The following ABCC12 variants were observed in gnomAD, a reference collection of about 807,000 sequenced individuals.
The protein encoded by ABCC12 is ATP binding cassette subfamily C member 12, also known as ATP-binding cassette sub-family C member 12.
In ABCC12, 142 loss-of-function variants were observed where a neutral mutation model predicts 151.1. That is an observed-to-expected ratio of 0.94 (90% confidence interval 0.82 to 1.08). ABCC12 has a LOEUF of 1.08. ABCC12 is among the 50% of genes least tolerant of loss of function. ABCC12 has a pLI of 0.00. For missense variants in ABCC12, 1,638 were observed against 1,691.1 expected, an observed-to-expected ratio of 0.97 and a Z score of 0.55; for synonymous variants, 645 against 646.4, an observed-to-expected ratio of 1.00 and a Z score of 0.03.
intron 3 of ABCC12, among the ~76,000 whole-genome samples, chr16:48,145,217 T>A (rs912363144): frequency 2.6e-5 from 4 of 152,206 alleles, no homozygotes; most frequent in Admixed American, 2.0e-4. Flanking sequence ...CAGACAGAGA[T>A]GCTGGGAGAA....
In ABCC12 at chr16:48,139,305, G is replaced by C; in HGVS notation, c.689C>G (p.Ser230Cys). Residue 230 changes from serine to cysteine, a missense_variant, in exon 7 of 31, where the codon TCT becomes TGT. By Grantham distance (112) the Ser-to-Cys change is moderately radical (BLOSUM62 -1). Transcript: ENST00000311303. ...VLNILSSDSY[S>C]LFEAALFCPL... The stretch of plus-strand genomic sequence containing the variant: ...ACAAAACAAGGCAGCTTCAAACAAA[G>C]AATAGCTATCACTTGACAGTATATT... 1.2e-6 allele frequency: 2 copies of C among 1,613,342 alleles called. No individual in the cohort carries two copies. Among genetic ancestry groups the C allele is most frequent in the East Asian group, 4.5e-5 (2 of 44,862 alleles).
At chr16:48,105,049 G>A in intron 21 of ABCC12, 90 bp downstream of exon 21, 1 of 1,485,416 alleles carries the variant, frequency 6.7e-7, no homozygotes, top group Non-Finnish European at 9.4e-7. Context: ...GCTGTCCCCA[G>A]AGCCCAGCAC....
At chr16:48,138,421 T>G in intron 7 of ABCC12, 46 bp from the exon 8 acceptor site, 1 of 1,562,324 alleles carries the variant, frequency 6.4e-7, no homozygotes, top group African/African-American at 1.4e-5. Flanking sequence ...AGTGCTGAGT[T>G]GCAGCTGGCC....
At position 48,085,662 on chromosome 16, in the gene ABCC12, A is replaced by G. The variant is rs1181291288; in HGVS notation, c.3759T>C (p.Asn1253=). The G allele has an allele frequency of 6.2e-7, 1 of 1,614,102 alleles. No individual in the cohort carries two copies. The highest frequency in any genetic ancestry group is 1.7e-5 in the Admixed American group (1 of 60,006). The change falls in exon 29 of 31, where the codon AAT becomes AAC. Residue 1253 remains asparagine, a synonymous_variant. Coordinates refer to ENST00000311303, the MANE Select transcript of ABCC12 (RefSeq NM_001393797.1). ...GTTCCCCTACTGAGAAGTTTTCTCCATTTTCTGTGACTTCTGCCTGTAATT... is the reference window on the plus strand; with the variant it reads ...GTTCCCCTACTGAGAAGTTTTCTCCGTTTTCTGTGACTTCTGCCTGTAATT... ...PEKLQAEVTE[N]GENFSVGERQ...
chr16:48,098,346 C>T (rs552772962), intron 23 of ABCC12, among the ~76,000 whole-genome samples: 11 of 152,176 alleles, frequency 7.2e-5, no homozygotes, highest in South Asian at 2.1e-4. Context: ...AACCCTTCCA[C>T]GCTTAAAGCC....
chr16:48,100,065 T>A (rs1277330483), intron 23 of ABCC12, among the ~76,000 whole-genome samples: 1 of 151,870 alleles, frequency 6.6e-6, no homozygotes, highest in Non-Finnish European at 1.5e-5. Flanking sequence ...GTTCAAGTGA[T>A]TCTCCTGCCT....
At chr16:48,147,634 C>G (rs528256863) in intron 2 of ABCC12, among the ~76,000 whole-genome samples, 5 of 152,156 alleles carry the variant, frequency 3.3e-5, no homozygotes, top group Non-Finnish European at 7.3e-5. Context: ...AGGACTTACT[C>G]AAGAGTATAT....
chr16:48,139,105 G>A, intron 7 of ABCC12, 58 bp downstream of exon 7: 1 of 1,508,500 alleles, frequency 6.6e-7, no homozygotes, highest in East Asian at 2.3e-5. Flanking sequence ...ACCCAATTCA[G>A]TGAAAGTGTG....
intron 6 of ABCC12, 84 bp downstream of exon 6, chr16:48,140,603 G>T: frequency 7.7e-7 from 1 of 1,291,590 alleles, no homozygotes; most frequent in Admixed American, 1.9e-5. Context: ...GAAGGCAGGT[G>T]CTCCACTCAG....
At chr16:48,123,626 C>T (rs1597316594) in intron 12 of ABCC12, among the ~76,000 whole-genome samples, 1 of 152,270 alleles carries the variant, frequency 6.6e-6, no homozygotes, top group East Asian at 1.9e-4. Flanking sequence ...GCTTCTCATT[C>T]ATGTGGGATG....
chr16:48,153,423 G>A (rs1184235914), intron 2 of ABCC12, among the ~76,000 whole-genome samples, 193 bp downstream of exon 2: 1 of 151,946 alleles, frequency 6.6e-6, no homozygotes, highest in African/African-American at 2.4e-5. Context: ...CAATTTTTCT[G>A]CACACTTCTC....
At chr16:48,101,583 C>T (rs939850086) in intron 22 of ABCC12, among the ~76,000 whole-genome samples, 1 of 151,958 alleles carries the variant, frequency 6.6e-6, no homozygotes, top group Non-Finnish European at 1.5e-5. Context: ...AGCTGGCTGG[C>T]CCCCGAGAGA....
intron 3 of ABCC12, among the ~76,000 whole-genome samples, chr16:48,144,329 G>T (rs1964927567): frequency 6.6e-6 from 1 of 152,120 alleles, no homozygotes; most frequent in Non-Finnish European, 1.5e-5. Flanking sequence ...TTAATAAATT[G>T]TCTTAAAGAC....
At chr16:48,137,638 G>C (rs1282881379) in intron 8 of ABCC12, among the ~76,000 whole-genome samples, 1 of 152,210 alleles carries the variant, frequency 6.6e-6, no homozygotes. Flanking sequence ...AATTGTAACA[G>C]TGGTTCAGAT....
intron 18 of ABCC12, 44 bp from the exon 19 acceptor site, chr16:48,108,573 G>A: frequency 6.4e-7 from 1 of 1,569,876 alleles, no homozygotes; most frequent in South Asian, 1.1e-5. Flanking sequence ...CCACTGGGGT[G>A]GGGGCCCAGC....
In ABCC12 at chr16:48,139,277, A is replaced by G; in HGVS notation, c.717T>C (p.Pro239=). Residue 239 remains proline, a synonymous_variant, in exon 7 of 31, where the codon CCT becomes CCC. Transcript: ENST00000311303. ...YSLFEAALFC[P]LPATIPILMV... ...TTAGGATCGGGATGGTGGCTGGCAAAGGACAAAACAAGGCAGCTTCAAACA... is the reference window on the plus strand; with the variant it reads ...TTAGGATCGGGATGGTGGCTGGCAAGGGACAAAACAAGGCAGCTTCAAACA... 1 of 1,614,064 alleles carries G rather than the reference A, an allele frequency of 6.2e-7. No homozygotes were observed. The highest frequency in any genetic ancestry group is 1.7e-5 in the Admixed American group (1 of 59,984).
At position 48,153,860 on chromosome 16, in the gene ABCC12, T is replaced by C. The variant is rs1965148741; in HGVS notation, c.-295A>G. ...CGGCTTGGAAGCATTGCAGCTGGAA[T>C]GGCACTTTGCTAAATTTGGCAGCCC... On this transcript the variant is annotated 5_prime_UTR_variant, in exon 2 of 31. Transcript: ENST00000311303. 1.3e-5 allele frequency: 2 copies of C among 152,220 alleles called. No individual in the cohort carries two copies. 9.4% of individuals were successfully genotyped at this position (152,220 alleles called of 1,614,324 possible).
At chr16:48,099,753 G>C (rs1398133705) in intron 23 of ABCC12, among the ~76,000 whole-genome samples, 4 of 152,184 alleles carry the variant, frequency 2.6e-5, no homozygotes, top group Non-Finnish European at 5.9e-5. Context: ...GCCTAACACA[G>C]AAGATCCGAG....
rs1963683644 is a variant in ABCC12, at chr16:48,111,459, C to T, written c.2258G>A (p.Gly753Asp). 6 of 1,614,042 alleles carry T rather than the reference C, an allele frequency of 3.7e-6. No homozygotes were observed. The East Asian group carries it at 1.3e-4, about 36-fold the overall frequency. Residue 753 changes from glycine to aspartate, a missense_variant, in exon 18 of 31, where the codon GGC becomes GAC. Gly to Asp is a moderately conservative substitution (Grantham distance 94). Coordinates refer to ENST00000311303, the MANE Select transcript of ABCC12 (RefSeq NM_001393797.1). ...ACCTTTTGTGTCTACAAATTCTGAG[C>T]CTGTTTCAGATTCTTTTCCTTCATC... ...EKDEGKESET[G>D]SEFVDTKVPE... is the part of the protein sequence containing the mutation.
Sources: allele counts gnomAD v4.1 joint callset (sites outside exome capture counted in the v4.1 genomes callset), GRCh38; gene constraint gnomAD v4.1.1; transcripts MANE v1.5; gene names NCBI Gene and HGNC (gene_info 2026-07-23, HGNC 2026-07-21).